The following EPB41L3 variants were observed in gnomAD, a reference collection of about 807,000 sequenced individuals.
EPB41L3 encodes the protein band 4.1-like protein 3.
A neutral mutation model predicts 127.1 loss-of-function variants in EPB41L3; 57 were observed. That is an observed-to-expected ratio of 0.45 (90% CI 0.36 to 0.56). EPB41L3 has a LOEUF of 0.56. EPB41L3 is among the 20% of genes least tolerant of loss of function. The pLI is 0.00. For missense variants in EPB41L3, 1,273 were observed against 1,372.2 expected (o/e 0.93, Z 1.14); for synonymous variants, 572 against 549.5 (o/e 1.04, Z -0.57).
intron 2 of EPB41L3, among the ~76,000 whole-genome samples, chr18:5,613,061 T>C (rs1228976653): frequency 1.3e-5 from 2 of 152,184 alleles, no homozygotes; most frequent in Non-Finnish European, 2.9e-5. Context: ...AACTTCTGCC[T>C]GTACATTTCA....
chr18:5,576,331 A>C (rs559939697), intron 3 of EPB41L3, among the ~76,000 whole-genome samples: 1 of 152,234 alleles, frequency 6.6e-6, no homozygotes, highest in Non-Finnish European at 1.5e-5. Context: ...AATAAAAGAT[A>C]TCAGCAACTT....
chr18:5,468,234 G>T (rs185249516), intron 3 of EPB41L3, among the ~76,000 whole-genome samples: 7 of 152,244 alleles, frequency 4.6e-5, no homozygotes, highest in Non-Finnish European at 1.5e-5. Flanking sequence ...AGCACAAATA[G>T]CCTGGGCACC....
chr18:5,542,261 G>GT (rs1246720910), intron 1 of EPB41L3, among the ~76,000 whole-genome samples: 1 of 152,216 alleles, frequency 6.6e-6, no homozygotes, highest in African/African-American at 2.4e-5. Context: ...TTAATTTGCT[G>GT]TAATTGGGAC....
intron 3 of EPB41L3, among the ~76,000 whole-genome samples, chr18:5,557,537 A>C (rs2149182384): frequency 6.6e-6 from 1 of 152,236 alleles, no homozygotes; most frequent in South Asian, 2.1e-4. Flanking sequence ...GGCGTGTGCC[A>C]CTACCACATG....
intron 3 of EPB41L3, among the ~76,000 whole-genome samples, chr18:5,553,880 G>A (rs915577762): frequency 4.6e-5 from 7 of 152,270 alleles, no homozygotes; most frequent in East Asian, 1.9e-4. Context: ...TCTGGGGGCC[G>A]TGTTATCTGC....
chr18:5,477,990 T>C (rs1204979524), intron 3 of EPB41L3, among the ~76,000 whole-genome samples: 1 of 152,196 alleles, frequency 6.6e-6, no homozygotes, highest in Non-Finnish European at 1.5e-5. Context: ...GTTCCTACCA[T>C]ATTGTTGGAG....
chr18:5,558,388 C>T (rs2094071836), intron 3 of EPB41L3, among the ~76,000 whole-genome samples: 1 of 152,128 alleles, frequency 6.6e-6, no homozygotes, highest in Non-Finnish European at 1.5e-5. Context: ...ATCCCAATTC[C>T]CAGAGGAACA....
intron 1 of EPB41L3, among the ~76,000 whole-genome samples, chr18:5,527,010 TAAAA>T (rs33920388): frequency 7.2e-6 from 1 of 139,726 alleles, no homozygotes; most frequent in Non-Finnish European, 1.6e-5. Context: ...ATTCATTGGT[TAAAA>T]AAAAAAAAAA....
intron 3 of EPB41L3, among the ~76,000 whole-genome samples, chr18:5,602,226 C>G (rs2094598881): frequency 6.6e-6 from 1 of 152,154 alleles, no homozygotes; most frequent in African/African-American, 2.4e-5. Flanking sequence ...AGCAGCATGT[C>G]CTGTAGTATA....
At chr18:5,552,805 G>C (rs929869768) in intron 3 of EPB41L3, among the ~76,000 whole-genome samples, 10 of 152,196 alleles carry the variant, frequency 6.6e-5, no homozygotes, top group Non-Finnish European at 1.3e-4. Context: ...GGCAGAAGCT[G>C]TTTCAATAAG....
intron 1 of EPB41L3, among the ~76,000 whole-genome samples, chr18:5,626,306 T>A (rs909234531): frequency 2.6e-5 from 4 of 152,202 alleles, no homozygotes; most frequent in Non-Finnish European, 4.4e-5. Flanking sequence ...CTGAACTGCA[T>A]GAAAACAAAA....
intron 9 of EPB41L3, among the ~76,000 whole-genome samples, chr18:5,426,490 T>A (rs1047205869): frequency 6.6e-6 from 1 of 152,232 alleles, no homozygotes; most frequent in African/African-American, 2.4e-5. Context: ...TGCCCTAGTT[T>A]AGGTCTTATC....
intron 3 of EPB41L3, among the ~76,000 whole-genome samples, chr18:5,475,581 C>T (rs990685187): frequency 1.3e-5 from 2 of 152,316 alleles, no homozygotes; most frequent in South Asian, 2.1e-4. Flanking sequence ...TGTTGGTTCA[C>T]GATGAGTTTG....
chr18:5,536,785 C>T (rs142881614), intron 1 of EPB41L3, among the ~76,000 whole-genome samples: 1,576 of 152,166 alleles, frequency 0.01, 37 homozygotes, highest in African/African-American at 0.036. Context: ...GAGCTGATAT[C>T]GTGCCACTGC....
In EPB41L3 at chr18:5,503,965, A is replaced by T. The variant is rs544289786; in HGVS notation, c.-11-14771T>A. Among the ~76,000 whole-genome samples the T allele has an allele frequency of 7.9e-5, 12 of 152,352 alleles. 1 individual carries two copies. In the East Asian group the frequency reaches 1.5e-3, roughly 20 times the overall value. ...AGAATATTAGGTAATCATATGTGGT[A>T]AGGATATTCTCCACCTATATTAGTA... On this transcript the variant is annotated intron_variant, in intron 1 of 22. Transcript: ENST00000341928.
chr18:5,521,348 T>C (rs1231742095), intron 1 of EPB41L3: 1 of 152,232 alleles, frequency 6.6e-6, no homozygotes, highest in East Asian at 1.9e-4. Context: ...CACTGGAAGA[T>C]TACAGTTCAG....
At position 5,419,705 on chromosome 18, in the gene EPB41L3, C is replaced by T; in HGVS notation, c.1506+6G>A. Reference sequence around the variant, plus strand: ...CAAGCTCTTGCAGGCAGTCTGGGAGCTATACCTTTCCCTCGTGCCGGATGG... The same window carrying T: ...CAAGCTCTTGCAGGCAGTCTGGGAGTTATACCTTTCCCTCGTGCCGGATGG... On this transcript the variant is annotated splice_donor_region_variant and intron_variant, in intron 12 of 22. Coordinates refer to ENST00000341928, the MANE Select transcript of EPB41L3 (RefSeq NM_012307.5). The T allele has an allele frequency of 6.2e-7, 1 of 1,613,708 alleles. No homozygotes were observed. Among genetic ancestry groups the T allele is most frequent in the Non-Finnish European group, 8.5e-7 (1 of 1,179,954 alleles).
At chr18:5,553,972 G>C (rs1340941730) in intron 3 of EPB41L3, among the ~76,000 whole-genome samples, 3 of 152,180 alleles carry the variant, frequency 2.0e-5, no homozygotes, top group Non-Finnish European at 4.4e-5. Flanking sequence ...TGTGCTTGCT[G>C]TTCCTCACAC....
intron 1 of EPB41L3, among the ~76,000 whole-genome samples, chr18:5,505,783 T>TCCCTCCACACCTTCACCTCCACCCCTC (rs2092133493): frequency 4.4e-5 from 1 of 22,630 alleles, no homozygotes; most frequent in Non-Finnish European, 8.5e-5. Flanking sequence ...CTCCACCCCT[T>TCCCTCCACACCTTCACCTCCACCCCTC]CCCTCCACAC....
Sources: gnomAD v4.1 joint callset for allele counts (sites outside exome capture counted in the v4.1 genomes callset) on GRCh38, gnomAD v4.1.1 for gene constraint, MANE v1.5 for transcripts, NCBI Gene and HGNC (gene_info 2026-07-23, HGNC 2026-07-21) for gene names.